SHTN1: variants seen among roughly 807,000 people sequenced by gnomAD.
SHTN1 encodes shootin-1.
In SHTN1, 42 loss-of-function variants were observed where a neutral mutation model predicts 83.1. The observed-to-expected ratio is 0.51, with a 90% CI of 0.39 to 0.65. The LOEUF (loss-of-function observed/expected upper bound fraction) is 0.65, where lower values mean the gene tolerates loss of function less well. Among genes scored for constraint, SHTN1 ranks in the 30% least tolerant of loss-of-function variants. SHTN1 has a pLI of 0.00. For synonymous variants in SHTN1, 224 were observed against 247.7 expected, an observed-to-expected ratio of 0.90 and a Z score of 0.90; for missense variants, 622 against 737.8, an observed-to-expected ratio of 0.84 and a Z score of 1.82.
At chr10:116,995,483 C>T (rs1010545270) in intron 1 of SHTN1, among the ~76,000 whole-genome samples, 6 of 152,038 alleles carry the variant, frequency 3.9e-5, no homozygotes, top group African/African-American at 1.2e-4. Flanking sequence ...TCTTCTTTTG[C>T]GCTATCTATG....
At chr10:116,979,387 C>A (rs572530729) in intron 1 of SHTN1, 79 bp from the exon 2 acceptor site, 1 of 1,105,946 alleles carries the variant, frequency 9.0e-7, no homozygotes, top group East Asian at 2.3e-5. Flanking sequence ...CAACTAACCC[C>A]CATAGTCTTC....
chr10:116,918,829 A>G (rs191889237), intron 12 of SHTN1, among the ~76,000 whole-genome samples: 93 of 152,366 alleles, frequency 6.1e-4, no homozygotes, highest in African/African-American at 2.2e-3. Context: ...TCAACAAATT[A>G]ATGACCTAAA....
chr10:117,078,323 C>A (rs1853193194), intron 1 of SHTN1, among the ~76,000 whole-genome samples: 1 of 152,202 alleles, frequency 6.6e-6, no homozygotes, highest in Non-Finnish European at 1.5e-5. Flanking sequence ...AGTTGACTCA[C>A]CTTTCTAAAG....
At chr10:116,944,622 G>T (rs1409759669) in intron 8 of SHTN1, among the ~76,000 whole-genome samples, 2 of 152,142 alleles carry the variant, frequency 1.3e-5, no homozygotes, top group African/African-American at 4.8e-5. Flanking sequence ...TTTACGGCTG[G>T]GCACGGTGGC....
At chr10:116,963,382 T>A (rs1379671535) in intron 3 of SHTN1, among the ~76,000 whole-genome samples, 1 of 151,456 alleles carries the variant, frequency 6.6e-6, no homozygotes, top group African/African-American at 2.4e-5. Flanking sequence ...ATAATAAAAG[T>A]TTTTTAAACG....
intron 1 of SHTN1, among the ~76,000 whole-genome samples, chr10:116,992,071 G>A (rs916056081): frequency 1.3e-5 from 2 of 152,152 alleles, no homozygotes; most frequent in African/African-American, 4.8e-5. Flanking sequence ...GAGCTCAAGA[G>A]GTTGAGGCTG....
chr10:116,984,550 T>C lies in SHTN1; in HGVS notation c.59-5242A>G, dbSNP rs537945197. Among the ~76,000 whole-genome samples, 71 of 152,262 alleles carry C rather than the reference T, an allele frequency of 4.7e-4. 1 individual carries two copies. In the Middle Eastern group the frequency reaches 0.01, roughly 22 times the overall value. On this transcript the variant is annotated intron_variant, in intron 1 of 16. Coordinates refer to ENST00000355371, the MANE Select transcript of SHTN1 (RefSeq NM_001127211.3). ...CTGCTGTCATCATCTACCTACCTAG[T>C]CCTCAAGCTACTACCTGCAGGATCA...
chr10:117,095,125 A>G (rs1306837875), intron 1 of SHTN1, among the ~76,000 whole-genome samples: 4 of 152,232 alleles, frequency 2.6e-5, no homozygotes, highest in African/African-American at 9.6e-5. Context: ...TGAGGAAATT[A>G]GAACAGACCA....
At chr10:116,978,905 C>A (rs1850909071) in intron 2 of SHTN1, among the ~76,000 whole-genome samples, 1 of 152,182 alleles carries the variant, frequency 6.6e-6, no homozygotes, top group Non-Finnish European at 1.5e-5. Context: ...TAGGTCCCAA[C>A]AGTACATGTA....
intron 2 of SHTN1, among the ~76,000 whole-genome samples, chr10:116,976,931 A>G (rs1447969406): frequency 6.6e-6 from 1 of 152,258 alleles, no homozygotes; most frequent in African/African-American, 2.4e-5. Context: ...AAGCAGGTCA[A>G]TAATGCCTAC....
At chr10:117,015,469 T>C (rs1852168383) in intron 2 of SHTN1, among the ~76,000 whole-genome samples, 1 of 152,140 alleles carries the variant, frequency 6.6e-6, no homozygotes, top group Non-Finnish European at 1.5e-5. Flanking sequence ...GTAGCTGGGA[T>C]TACAGGCATG....
intron 16 of SHTN1, 126 bp downstream of exon 16, chr10:116,901,639 A>AAAG: frequency 7.4e-7 from 1 of 1,353,126 alleles, no homozygotes; most frequent in Middle Eastern, 2.7e-4. Flanking sequence ...CATCAAATGA[A>AAAG]AAGAAGAAGA....
chr10:116,999,628 T>C (rs182157325), intron 1 of SHTN1, among the ~76,000 whole-genome samples: 1 of 152,300 alleles, frequency 6.6e-6, no homozygotes, highest in African/African-American at 2.4e-5. Flanking sequence ...TTAAAAAAGG[T>C]TCACAGCTGG....
At chr10:116,970,876 A>G (rs1006944183) in intron 2 of SHTN1, among the ~76,000 whole-genome samples, 12 of 152,150 alleles carry the variant, frequency 7.9e-5, no homozygotes, top group African/African-American at 2.9e-4. Context: ...TACAACATTT[A>G]TAACAGTAGT....
At chr10:116,911,703 C>A (rs1848205230) in intron 14 of SHTN1, 87 bp downstream of exon 14, 1 of 1,579,206 alleles carries the variant, frequency 6.3e-7, no homozygotes. Context: ...ATAAAACACA[C>A]CACAAACAAT....
At chr10:117,016,570 C>A (rs558712628) in intron 2 of SHTN1, among the ~76,000 whole-genome samples, 1 of 152,122 alleles carries the variant, frequency 6.6e-6, no homozygotes, top group African/African-American at 2.4e-5. Flanking sequence ...CCACGCCCGG[C>A]TACTTTTTGT....
At position 117,018,068 on chromosome 10, in the gene SHTN1, A is replaced by T. The variant is rs1436778777; in HGVS notation, c.-123+30377T>A. 7.2e-5 allele frequency among the ~76,000 whole-genome samples: 11 copies of T among 152,356 alleles called. No homozygotes were observed. The East Asian group carries it at 2.1e-3, about 29-fold the overall frequency. On this transcript the variant is annotated intron_variant, in intron 2 of 17. Coordinates refer to the SHTN1 transcript ENST00000392901. Reference sequence around the variant, plus strand: ...GACCAGAAGGGACTAAGCAGACATGATGACTACAATTGATGTAGTATTCTG... The same window carrying T: ...GACCAGAAGGGACTAAGCAGACATGTTGACTACAATTGATGTAGTATTCTG...
chr10:117,002,530 A>G (rs1266198104), intron 1 of SHTN1, among the ~76,000 whole-genome samples: 1 of 152,250 alleles, frequency 6.6e-6, no homozygotes. Context: ...AGTAACAGGT[A>G]GTAAAAATTA....
intron 11 of SHTN1, among the ~76,000 whole-genome samples, chr10:116,921,837 T>G (rs994269752): frequency 1.3e-5 from 2 of 152,102 alleles, no homozygotes; most frequent in Middle Eastern, 3.2e-3. Context: ...CTATGTACTA[T>G]GTTAGAGGGG....
Sources: gnomAD v4.1 joint callset for allele counts (sites outside exome capture counted in the v4.1 genomes callset) on GRCh38, gnomAD v4.1.1 for gene constraint, MANE v1.5 for transcripts, NCBI Gene and HGNC (gene_info 2026-07-23, HGNC 2026-07-21) for gene names.